ENOX1: variants seen among roughly 807,000 people sequenced by gnomAD.
ENOX1 encodes ecto-NOX disulfide-thiol exchanger 1.
A neutral mutation model predicts 82.5 loss-of-function variants in ENOX1; 42 were observed. The ratio of observed to expected loss-of-function variants is 0.51; its 90% CI spans 0.40 to 0.66. The LOEUF is 0.66. ENOX1 is among the 30% of genes least tolerant of loss of function. The pLI, the probability that ENOX1 is intolerant of heterozygous loss-of-function variation, is 0.00. For synonymous variants in ENOX1, 271 were observed against 282.2 expected, an observed-to-expected ratio of 0.96 and a Z score of 0.40; for missense variants, 608 against 811.6, an observed-to-expected ratio of 0.75 and a Z score of 3.05.
chr13:43,289,652 G>A (rs1350553993), intron 12 of ENOX1, among the ~76,000 whole-genome samples: 3 of 152,146 alleles, frequency 2.0e-5, no homozygotes, highest in Admixed American at 6.6e-5. Flanking sequence ...TTCTCTTCTC[G>A]ACTTTGGCAT....
At chr13:43,424,090 A>T (rs751769978) in intron 3 of ENOX1, among the ~76,000 whole-genome samples, 120 of 152,330 alleles carry the variant, frequency 7.9e-4, no homozygotes, top group Admixed American at 2.2e-3. Context: ...TAAACCATAC[A>T]CATGGCAACA....
chr13:43,214,301 C>A (rs1480612778), intron 16 of ENOX1, among the ~76,000 whole-genome samples, 180 bp from the exon 17 acceptor site: 2 of 152,094 alleles, frequency 1.3e-5, no homozygotes, highest in Admixed American at 1.3e-4. Flanking sequence ...TCCCACCTCC[C>A]GAGCAGCTGG....
At chr13:43,705,296 C>G (rs2087183654) in intron 1 of ENOX1, among the ~76,000 whole-genome samples, 1 of 141,474 alleles carries the variant, frequency 7.1e-6, no homozygotes, top group Non-Finnish European at 1.5e-5. Flanking sequence ...AAAAAACAAA[C>G]AAACAACAAC....
chr13:43,418,136 G>T (rs1347326984), intron 3 of ENOX1, among the ~76,000 whole-genome samples: 1 of 150,438 alleles, frequency 6.6e-6, no homozygotes, highest in African/African-American at 2.5e-5. Context: ...TTGAACCCGG[G>T]AGGCAGAGGT....
intron 2 of ENOX1, among the ~76,000 whole-genome samples, chr13:43,563,155 AT>A (rs1256659945): frequency 6.6e-6 from 1 of 152,180 alleles, no homozygotes; most frequent in Non-Finnish European, 1.5e-5. Context: ...AAGTCTGGAA[AT>A]TTTTTAAAAA....
intron 1 of ENOX1, among the ~76,000 whole-genome samples, chr13:43,670,652 G>A (rs567106491): frequency 1.3e-5 from 2 of 152,156 alleles, no homozygotes; most frequent in South Asian, 2.1e-4. Flanking sequence ...TCAGGAGTTC[G>A]AGACCAACCT....
chr13:43,260,343 C>T (rs1420543239), intron 14 of ENOX1, among the ~76,000 whole-genome samples: 1 of 152,222 alleles, frequency 6.6e-6, no homozygotes, highest in African/African-American at 2.4e-5. Flanking sequence ...CAACCTTCAG[C>T]ATCACCAATT....
At chr13:43,660,792 A>T (rs1401709023) in intron 2 of ENOX1, among the ~76,000 whole-genome samples, 3 of 152,238 alleles carry the variant, frequency 2.0e-5, no homozygotes, top group Non-Finnish European at 4.4e-5. Context: ...TAAGTGTTAC[A>T]GACATTTCTT....
intron 2 of ENOX1, among the ~76,000 whole-genome samples, chr13:43,646,761 G>A (rs540616615): frequency 6.6e-6 from 1 of 152,198 alleles, no homozygotes; most frequent in South Asian, 2.1e-4. Context: ...GAGTCTTGGG[G>A]CACTGAGGTG....
At chr13:43,637,295 G>A (rs2083450172) in intron 2 of ENOX1, among the ~76,000 whole-genome samples, 1 of 152,080 alleles carries the variant, frequency 6.6e-6, no homozygotes, top group Non-Finnish European at 1.5e-5. Flanking sequence ...AGAAGCTTTT[G>A]TTTTTATTAA....
intron 3 of ENOX1, among the ~76,000 whole-genome samples, chr13:43,478,965 C>T (rs1262269308): frequency 6.6e-6 from 1 of 152,152 alleles, no homozygotes; most frequent in African/African-American, 2.4e-5. Flanking sequence ...TTCCCCAAGC[C>T]TTTGGAGGAG....
chr13:43,768,413 G>C (rs563471514), intron 1 of ENOX1, among the ~76,000 whole-genome samples: 1 of 152,228 alleles, frequency 6.6e-6, no homozygotes, highest in African/African-American at 2.4e-5. Context: ...ACCAGCCTGG[G>C]CAACATAGTG....
chr13:43,443,231 A>G (rs2056452304), intron 3 of ENOX1, among the ~76,000 whole-genome samples: 1 of 152,200 alleles, frequency 6.6e-6, no homozygotes, highest in Non-Finnish European at 1.5e-5. Flanking sequence ...GTGACCAAAA[A>G]TTCTGTTCAA....
chr13:43,616,175 T>G (rs1190280617), intron 2 of ENOX1, among the ~76,000 whole-genome samples: 765 of 6,240 alleles, frequency 0.12, 117 homozygotes, highest in African/African-American at 0.17. Context: ...TCTATCTATC[T>G]ATCTATCTAT....
chr13:43,604,782 C>G (rs1047557902), intron 2 of ENOX1, among the ~76,000 whole-genome samples: 1 of 151,834 alleles, frequency 6.6e-6, no homozygotes, highest in African/African-American at 2.4e-5. Flanking sequence ...AGCAATCAGA[C>G]AAGAAAAAGA....
intron 3 of ENOX1, among the ~76,000 whole-genome samples, chr13:43,413,520 T>C (rs549330975): frequency 6.6e-6 from 1 of 151,548 alleles, no homozygotes; most frequent in East Asian, 1.9e-4. Flanking sequence ...TAAATTACAA[T>C]AGTCAGGAAA....
At chr13:43,578,272 T>G (rs543503021) in intron 2 of ENOX1, among the ~76,000 whole-genome samples, 3 of 152,222 alleles carry the variant, frequency 2.0e-5, no homozygotes, top group Non-Finnish European at 2.9e-5. Flanking sequence ...GAGAAAGATT[T>G]AAAAACAACC....
intron 15 of ENOX1, among the ~76,000 whole-genome samples, chr13:43,232,532 T>G (rs1295666012): frequency 6.6e-6 from 1 of 152,184 alleles, no homozygotes; most frequent in African/African-American, 2.4e-5. Context: ...TTTTCCATAT[T>G]CTACTCAGCT....
At chr13:43,615,632 G>T (rs1383291935) in intron 2 of ENOX1, among the ~76,000 whole-genome samples, 1 of 152,040 alleles carries the variant, frequency 6.6e-6, no homozygotes, top group Non-Finnish European at 1.5e-5. Flanking sequence ...GGATACATGT[G>T]CATAGAACGT....
Sources: allele counts gnomAD v4.1 joint callset (sites outside exome capture counted in the v4.1 genomes callset), GRCh38; gene constraint gnomAD v4.1.1; transcripts MANE v1.5; gene names NCBI Gene and HGNC (gene_info 2026-07-23, HGNC 2026-07-21).